CREG2: variants seen among roughly 807,000 people sequenced by gnomAD.
The protein encoded by CREG2 is cellular repressor of E1A stimulated genes 2, also known as protein CREG2.
Under a neutral mutation model 26.2 loss-of-function variants are expected in CREG2, and 24 were observed. The observed-to-expected ratio is 0.92, with a 90% CI of 0.66 to 1.29. CREG2 has a LOEUF of 1.29. Among genes scored for constraint, CREG2 ranks in the 50% most tolerant of loss-of-function variants. The pLI is 0.00. For missense variants in CREG2, 366 were observed against 398.6 expected (o/e 0.92, Z 0.70); for synonymous variants, 174 against 169.2 (o/e 1.03, Z -0.22).
chr2:101,381,467 C>A (rs919475130), intron 2 of CREG2, among the ~76,000 whole-genome samples: 1 of 152,244 alleles, frequency 6.6e-6, no homozygotes, highest in Non-Finnish European at 1.5e-5. Context: ...TCTGGGCTTA[C>A]GCCGATTATG....
chr2:101,354,449 C>T (rs889363510), intron 3 of CREG2, among the ~76,000 whole-genome samples: 2 of 152,130 alleles, frequency 1.3e-5, no homozygotes, highest in Admixed American at 6.5e-5. Context: ...TGCATCCCTG[C>T]GTGCAGGATC....
chr2:101,361,468 T>C (rs1558815687), intron 2 of CREG2, among the ~76,000 whole-genome samples: 1 of 152,206 alleles, frequency 6.6e-6, no homozygotes, highest in Admixed American at 6.5e-5. Context: ...GAGAAAGACC[T>C]GCCTGGCCAT....
At position 101,387,139 on chromosome 2, in the gene CREG2, G is replaced by T; in HGVS notation, c.319C>A (p.Arg107=). The change falls in exon 1 of 4, where the codon CGG becomes AGG. Residue 107 remains arginine, a synonymous_variant. Transcript: ENST00000324768. The surrounding 1 kb of genome is among the most constrained non-coding windows in gnomAD (Gnocchi z 4.7). Reference sequence around the variant, plus strand: ...CTGGCCGTCTGGCCGCCCTCGCGCCGGTAGGAGAACATCCCGGGTGGCGCG... The same window carrying T: ...CTGGCCGTCTGGCCGCCCTCGCGCCTGTAGGAGAACATCCCGGGTGGCGCG... ...PPAPPGMFSY[R]REGGQTASAP... The T allele has an allele frequency of 8.0e-7, 1 of 1,253,434 alleles. No individual in the cohort carries two copies. The highest frequency in any genetic ancestry group is 1.0e-6 in the Non-Finnish European group (1 of 999,538). 77.6% of individuals were successfully genotyped at this position (1,253,434 alleles called of 1,614,324 possible).
Position 101,385,289 on chromosome 2 carries a change from C to G in CREG2, c.442-1587G>C, listed in dbSNP as rs142261681. 9.7e-3 allele frequency among the ~76,000 whole-genome samples: 1,479 copies of G among 152,270 alleles called. 34 individuals are homozygous for G. The highest frequency in any genetic ancestry group is 0.033 in the African/African-American group (1,376 of 41,536). On this transcript the variant is annotated intron_variant, in intron 1 of 3. Coordinates refer to ENST00000324768, the MANE Select transcript of CREG2 (RefSeq NM_153836.4). ...CCTCCGTCTCCTGGGTTAAGCGATT[C>G]TTGTGCCTTAGCCTCCCAAGTTGCT...
rs1251291220 is a variant in CREG2, at chr2:101,387,376, G to T, written c.82C>A (p.Pro28Thr). 4 of 1,466,650 alleles carry T rather than the reference G, an allele frequency of 2.7e-6. No individual in the cohort carries two copies. Among genetic ancestry groups the T allele is most frequent in the Non-Finnish European group, 3.6e-6 (4 of 1,101,912 alleles). 90.9% of individuals were successfully genotyped at this position (1,466,650 alleles called of 1,614,324 possible). The change falls in exon 1 of 4, where the codon CCG (proline) becomes ACG (threonine). Residue 28 changes from proline to threonine, a missense_variant. By Grantham distance (38) the Pro-to-Thr change is conservative. Transcript: ENST00000324768. The surrounding 1 kb of genome is among the most constrained non-coding windows in gnomAD (Gnocchi z 4.7). ...WLLCCSALLS[P>T]AAGYVIVSSV... Reference sequence around the variant, plus strand: ...CTCACGATCACGTAGCCCGCGGCCGGGGACAGCAGGGCGCTGCAGCACAGC... The same window carrying T: ...CTCACGATCACGTAGCCCGCGGCCGTGGACAGCAGGGCGCTGCAGCACAGC...
chr2:101,354,899 T>C (rs996452520), intron 3 of CREG2, among the ~76,000 whole-genome samples: 2 of 151,282 alleles, frequency 1.3e-5, no homozygotes, highest in Non-Finnish European at 2.9e-5. Context: ...TGAGAAACGC[T>C]GCGCTGGCAT....
At chr2:101,385,482 AC>A (rs1558823362) in intron 1 of CREG2, among the ~76,000 whole-genome samples, 1 of 152,182 alleles carries the variant, frequency 6.6e-6, no homozygotes, top group African/African-American at 2.4e-5. Context: ...CGCCTGGCCA[AC>A]AAAAATATTT....
intron 2 of CREG2, among the ~76,000 whole-genome samples, chr2:101,376,890 C>T (rs1461274952): frequency 2.0e-5 from 3 of 152,140 alleles, no homozygotes; most frequent in African/African-American, 7.2e-5. Flanking sequence ...TCCCTCTCGT[C>T]AGTAGACACC....
At chr2:101,356,337 G>A (rs759705154) in intron 2 of CREG2, among the ~76,000 whole-genome samples, 2 of 152,056 alleles carry the variant, frequency 1.3e-5, no homozygotes, top group Middle Eastern at 3.2e-3. Flanking sequence ...TAGGGCTGCC[G>A]GTCCAGGCTT....
At chr2:101,374,596 CA>C (rs770626759) in intron 2 of CREG2, among the ~76,000 whole-genome samples, 2 of 152,236 alleles carry the variant, frequency 1.3e-5, no homozygotes, top group Non-Finnish European at 2.9e-5. Context: ...CATTCTGTCT[CA>C]GGTGGATATA....
intron 3 of CREG2, among the ~76,000 whole-genome samples, chr2:101,352,685 G>A (rs961476064): frequency 6.6e-6 from 1 of 152,200 alleles, no homozygotes; most frequent in Admixed American, 6.5e-5. Flanking sequence ...GTGCACACCT[G>A]TAATCCCAGC....
chr2:101,364,078 G>A (rs1204024193), intron 2 of CREG2, among the ~76,000 whole-genome samples: 1 of 152,126 alleles, frequency 6.6e-6, no homozygotes, highest in Non-Finnish European at 1.5e-5. Context: ...TGGTTGGCAG[G>A]GGTCAGGAAT....
intron 2 of CREG2, among the ~76,000 whole-genome samples, chr2:101,367,415 A>G (rs140040765): frequency 2.6e-5 from 4 of 152,316 alleles, no homozygotes; most frequent in African/African-American, 9.6e-5. Context: ...CATGTGTTTG[A>G]GCCATTTTAA....
intron 2 of CREG2, among the ~76,000 whole-genome samples, chr2:101,368,459 G>A (rs916511831): frequency 2.6e-5 from 4 of 152,168 alleles, no homozygotes; most frequent in Admixed American, 2.0e-4. Flanking sequence ...GCCCCACACT[G>A]TGCTCAAGGC....
intron 2 of CREG2, among the ~76,000 whole-genome samples, chr2:101,375,360 T>TCAATCAAAGGGCTCTG (rs1210642884): frequency 6.6e-6 from 1 of 152,050 alleles, no homozygotes; most frequent in Non-Finnish European, 1.5e-5. Context: ...CCGAGGCCTG[T>TCAATCAAAGGGCTCTG]CAATCAAAGG....
At chr2:101,363,977 G>A (rs1354508341) in intron 2 of CREG2, among the ~76,000 whole-genome samples, 7 of 152,148 alleles carry the variant, frequency 4.6e-5, no homozygotes, top group African/African-American at 1.7e-4. Flanking sequence ...TCAACTGGGA[G>A]AAGTTTCCTC....
chr2:101,369,396 T>C (rs1178831768), intron 2 of CREG2, among the ~76,000 whole-genome samples: 1 of 152,112 alleles, frequency 6.6e-6, no homozygotes, highest in Admixed American at 6.5e-5. Flanking sequence ...AGAGGAGGCC[T>C]CTGGGGAGGA....
At chr2:101,376,888 G>A (rs974182331) in intron 2 of CREG2, among the ~76,000 whole-genome samples, 7 of 152,208 alleles carry the variant, frequency 4.6e-5, no homozygotes, top group South Asian at 2.1e-4. Flanking sequence ...CTTCCCTCTC[G>A]TCAGTAGACA....
At chr2:101,360,544 A>C (rs1169016377) in intron 2 of CREG2, among the ~76,000 whole-genome samples, 5 of 152,134 alleles carry the variant, frequency 3.3e-5, no homozygotes, top group Admixed American at 3.3e-4. Context: ...AGACCAGCCT[A>C]GCCAACATGG....
Sources: gnomAD v4.1 joint callset for allele counts (sites outside exome capture counted in the v4.1 genomes callset) on GRCh38, gnomAD v4.1.1 for gene constraint, Gnocchi (gnomAD v3.1) non-coding constraint, MANE v1.5 for transcripts, NCBI Gene and HGNC (gene_info 2026-07-23, HGNC 2026-07-21) for gene names.